Variants in PTPRK observed in about 807,000 individuals in gnomAD.
The protein encoded by PTPRK is protein tyrosine phosphatase receptor type K, also known as receptor-type tyrosine-protein phosphatase kappa.
A neutral mutation model predicts 178.0 loss-of-function variants in PTPRK; 75 were observed. The ratio of observed to expected loss-of-function variants is 0.42; its 90% confidence interval spans 0.35 to 0.51. The LOEUF (loss-of-function observed/expected upper bound fraction) is 0.51. PTPRK is among the 20% of genes least tolerant of loss of function. PTPRK has a pLI of 0.02. For synonymous variants in PTPRK, 637 were observed against 620.6 expected (o/e 1.03, Z -0.39); for missense variants, 1,441 against 1,797.8 (o/e 0.80, Z 3.59).
intron 5 of PTPRK, among the ~76,000 whole-genome samples, chr6:128,223,182 A>T (rs1292349497): frequency 6.6e-6 from 1 of 151,930 alleles, no homozygotes; most frequent in Non-Finnish European, 1.5e-5. Context: ...CATAATATTT[A>T]ATATATATTA....
In PTPRK at chr6:128,115,411, C is replaced by A. The variant is rs533359893; in HGVS notation, c.1163-25419G>T. Among the ~76,000 whole-genome samples, 210 of 152,168 alleles carry A rather than the reference C, an allele frequency of 1.4e-3. 3 individuals carry two copies. Among genetic ancestry groups the A allele is most frequent in the Non-Finnish European group, 2.4e-3 (162 of 67,974 alleles). ...TCCCACACATGTCTCCTTGGTACAA[C>A]TGAAACAGACACTTATGTAAAAATG... On this transcript the variant is annotated intron_variant, in intron 7 of 29. Transcript: ENST00000368226.
chr6:128,516,783 G>A (rs1282110657), intron 1 of PTPRK, among the ~76,000 whole-genome samples: 1 of 151,990 alleles, frequency 6.6e-6, no homozygotes, highest in African/African-American at 2.4e-5. Context: ...CATCTAGAAA[G>A]CTACATATTA....
chr6:128,487,001 G>A (rs60577224), intron 1 of PTPRK, among the ~76,000 whole-genome samples: 1 of 151,298 alleles, frequency 6.6e-6, no homozygotes. Context: ...CAAAGGAAAT[G>A]TTGAATAGTT....
intron 1 of PTPRK, among the ~76,000 whole-genome samples, chr6:128,504,648 AGTAAGCAATCAGAGCACCTGG>A (rs372414099): frequency 3.6e-3 from 542 of 152,318 alleles, no homozygotes; most frequent in African/African-American, 0.012. Flanking sequence ...TTGCCTAAGG[AGTAAGCAATCAGAGCACCTGG>A]GTTCTTCTGG....
rs143550679 is a variant in PTPRK at position 128,234,409 on chromosome 6, T to C, written c.693+5626A>G. On this transcript the variant is annotated intron_variant, in intron 5 of 29. Coordinates refer to ENST00000368226, the MANE Select transcript of PTPRK (RefSeq NM_002844.4). ...TCTTTGACAAATGTCTGTACACTCA[T>C]AGATCAAGACCCCAGTCAATATATA... is the stretch of plus-strand genomic sequence containing the variant. Among the ~76,000 whole-genome samples the C allele has an allele frequency of 7.4e-4, 113 of 152,332 alleles. 1 individual carries two copies. The highest frequency in any genetic ancestry group is 2.6e-3 in the African/African-American group (107 of 41,574).
At chr6:128,163,252 G>A (rs144171486) in intron 7 of PTPRK, among the ~76,000 whole-genome samples, 1 of 151,120 alleles carries the variant, frequency 6.6e-6, no homozygotes, top group Admixed American at 6.6e-5. Context: ...TGAATTGAAT[G>A]CAATAATGGA....
intron 6 of PTPRK, among the ~76,000 whole-genome samples, chr6:128,207,783 T>C (rs1295911421): frequency 6.6e-6 from 1 of 152,162 alleles, no homozygotes; most frequent in Non-Finnish European, 1.5e-5. Flanking sequence ...AGTGAAAACT[T>C]CCTTTAAATT....
chr6:128,379,874 C>T (rs1837631757), intron 2 of PTPRK, among the ~76,000 whole-genome samples: 1 of 152,102 alleles, frequency 6.6e-6, no homozygotes, highest in Non-Finnish European at 1.5e-5. Flanking sequence ...ATAATATTTG[C>T]TATCTAATAT....
chr6:128,211,824 G>A (rs1808244055), intron 6 of PTPRK, among the ~76,000 whole-genome samples: 1 of 151,900 alleles, frequency 6.6e-6, no homozygotes, highest in African/African-American at 2.4e-5. Flanking sequence ...AGGGGAGAGT[G>A]GGAGAGACTC....
At chr6:128,262,849 C>A (rs1007590174) in intron 3 of PTPRK, among the ~76,000 whole-genome samples, 1 of 120,002 alleles carries the variant, frequency 8.3e-6, no homozygotes, top group Non-Finnish European at 1.6e-5. Flanking sequence ...GGGTCCAAAA[C>A]CAATAACCAA....
At chr6:127,997,458 A>G (rs1215694289) in intron 16 of PTPRK, among the ~76,000 whole-genome samples, 1 of 152,114 alleles carries the variant, frequency 6.6e-6, no homozygotes, top group African/African-American at 2.4e-5. Flanking sequence ...GTTTCTTTGA[A>G]GATCATGAAA....
chr6:127,971,674 T>C (rs145638806), intron 29 of PTPRK, among the ~76,000 whole-genome samples: 13 of 152,044 alleles, frequency 8.6e-5, no homozygotes, highest in Admixed American at 5.9e-4. Context: ...TAAAGGAAAA[T>C]AGTAACTTTT....
At chr6:128,508,445 G>A (rs1856680864) in intron 1 of PTPRK, among the ~76,000 whole-genome samples, 1 of 151,916 alleles carries the variant, frequency 6.6e-6, no homozygotes, top group Non-Finnish European at 1.5e-5. Flanking sequence ...ATTTTTAAAA[G>A]GAAAAAAGTA....
At chr6:128,413,852 C>A (rs540394716) in intron 1 of PTPRK, among the ~76,000 whole-genome samples, 77 of 152,214 alleles carry the variant, frequency 5.1e-4, no homozygotes, top group Middle Eastern at 3.4e-3. Flanking sequence ...GGTTTTATTT[C>A]TGTTGCCTTT....
intron 27 of PTPRK, among the ~76,000 whole-genome samples, chr6:127,975,450 T>C (rs990658569): frequency 9.8e-5 from 15 of 152,310 alleles, no homozygotes. Flanking sequence ...CTCATAGTTA[T>C]ATACATATAG....
intron 2 of PTPRK, among the ~76,000 whole-genome samples, chr6:128,326,646 T>C (rs1829611430): frequency 6.6e-6 from 1 of 152,196 alleles, no homozygotes; most frequent in Non-Finnish European, 1.5e-5. Flanking sequence ...AATAATTATA[T>C]CTGTGTAAAT....
At chr6:128,235,082 A>G (rs1033213299) in intron 5 of PTPRK, among the ~76,000 whole-genome samples, 2 of 152,220 alleles carry the variant, frequency 1.3e-5, no homozygotes, top group African/African-American at 4.8e-5. Context: ...TAATTGGATC[A>G]TTACACATTA....
At chr6:128,093,195 T>C (rs977471891) in intron 7 of PTPRK, among the ~76,000 whole-genome samples, 5 of 152,230 alleles carry the variant, frequency 3.3e-5, no homozygotes, top group African/African-American at 7.2e-5. Flanking sequence ...ATTCCATATA[T>C]TGTAATTTTA....
At chr6:128,486,934 A>G (rs1207018145) in intron 1 of PTPRK, among the ~76,000 whole-genome samples, 1 of 151,970 alleles carries the variant, frequency 6.6e-6, no homozygotes, top group Non-Finnish European at 1.5e-5. Context: ...TGGTTGTGAC[A>G]GAAATTCAAC....
Sources: allele counts gnomAD v4.1 joint callset (sites outside exome capture counted in the v4.1 genomes callset), GRCh38; gene constraint gnomAD v4.1.1; transcripts MANE v1.5; gene names NCBI Gene and HGNC (gene_info 2026-07-23, HGNC 2026-07-21).